HIPK3: variants seen among roughly 807,000 people sequenced by gnomAD.
HIPK3 encodes the protein homeodomain interacting protein kinase 3, also known as homeodomain-interacting protein kinase 3.
In HIPK3, 47 loss-of-function variants were observed where a neutral mutation model predicts 124.2. That is an observed-to-expected ratio of 0.38 (90% CI 0.30 to 0.48). HIPK3 has a LOEUF of 0.48. Ranked by LOEUF, HIPK3 falls within the 20% of genes least tolerant of loss-of-function variation. The pLI is 0.98. For missense variants in HIPK3, 1,286 were observed against 1,454.3 expected, an observed-to-expected ratio of 0.88 and a Z score of 1.88; for synonymous variants, 482 against 515.2, an observed-to-expected ratio of 0.94 and a Z score of 0.87.
chr11:33,352,346 A>G lies in HIPK3; in HGVS notation c.3171+81A>G, dbSNP rs968744280. On this transcript the variant is annotated intron_variant, in intron 16 of 16. Coordinates refer to ENST00000303296, the MANE Select transcript of HIPK3 (RefSeq NM_005734.5). Reference sequence around the variant, plus strand: ...TTTCACGTGGAGGAGAAAGCTTCTGAAACTGTATGTAGTGTTAATGAATTT... The same window carrying G: ...TTTCACGTGGAGGAGAAAGCTTCTGGAACTGTATGTAGTGTTAATGAATTT... The G allele has an allele frequency of 6.9e-6, 10 of 1,449,280 alleles. No individual in the cohort carries two copies. In the African/African-American group the frequency reaches 1.1e-4, roughly 16 times the overall value. 89.8% of individuals were successfully genotyped at this position (1,449,280 alleles called of 1,614,324 possible).
chr11:33,258,284 C>T (rs910555662), intron 1 of HIPK3: 4 of 984,942 alleles, frequency 4.1e-6, no homozygotes, highest in Non-Finnish European at 4.8e-6. Context: ...GGGAGCCTCT[C>T]TTCCCCCTCC....
At chr11:33,267,520 G>A (rs541797942) in intron 1 of HIPK3, among the ~76,000 whole-genome samples, 3 of 151,294 alleles carry the variant, frequency 2.0e-5, no homozygotes, top group African/African-American at 7.3e-5. Flanking sequence ...TTTTGAGACG[G>A]AGTCTCGCTC....
At chr11:33,350,711 GAAAT>G (rs368733495) in intron 14 of HIPK3, among the ~76,000 whole-genome samples, 14 of 151,854 alleles carry the variant, frequency 9.2e-5, no homozygotes, top group African/African-American at 3.1e-4. Context: ...AGGAAAGAAA[GAAAT>G]AAAGTCTTAT....
At chr11:33,283,950 C>G (rs1013370534) in intron 1 of HIPK3, among the ~76,000 whole-genome samples, 3 of 152,174 alleles carry the variant, frequency 2.0e-5, no homozygotes, top group South Asian at 4.1e-4. Context: ...GCTGGGAATA[C>G]AGGCATGAGC....
intron 1 of HIPK3, among the ~76,000 whole-genome samples, chr11:33,269,438 G>A (rs968968973): frequency 6.6e-6 from 1 of 151,660 alleles, no homozygotes; most frequent in African/African-American, 2.4e-5. Context: ...TTCAACATCT[G>A]GAGCTTGTCC....
At chr11:33,305,347 A>G (rs1170659758) in intron 2 of HIPK3, among the ~76,000 whole-genome samples, 1 of 152,092 alleles carries the variant, frequency 6.6e-6, no homozygotes, top group Non-Finnish European at 1.5e-5. Context: ...CCTTGAAATA[A>G]GTTTTAGGTC....
intron 1 of HIPK3, among the ~76,000 whole-genome samples, chr11:33,278,099 G>GT (rs1851318476): frequency 6.6e-6 from 1 of 152,086 alleles, no homozygotes; most frequent in African/African-American, 2.4e-5. Context: ...AAGAGTGTGT[G>GT]TTTTTTACAT....
At chr11:33,337,583 T>C (rs1027796241) in intron 4 of HIPK3, among the ~76,000 whole-genome samples, 2 of 151,946 alleles carry the variant, frequency 1.3e-5, no homozygotes, top group African/African-American at 2.4e-5. Context: ...CTTGAACTCC[T>C]GACCTCAAGA....
intron 15 of HIPK3, 128 bp from the exon 16 acceptor site, chr11:33,352,010 C>CCTCT: frequency 1.9e-6 from 2 of 1,064,148 alleles, no homozygotes; most frequent in Non-Finnish European, 2.7e-6. Flanking sequence ...GAAACCATGA[C>CCTCT]CTCTCCTTTG....
At chr11:33,273,243 G>A (rs376123883) in intron 1 of HIPK3, among the ~76,000 whole-genome samples, 1 of 152,028 alleles carries the variant, frequency 6.6e-6, no homozygotes, top group East Asian at 1.9e-4. Flanking sequence ...GGTGGCTTAC[G>A]CCTGTAATCC....
chr11:33,262,346 G>C (rs1400322935), intron 1 of HIPK3, among the ~76,000 whole-genome samples: 2 of 152,196 alleles, frequency 1.3e-5, no homozygotes, highest in Non-Finnish European at 2.9e-5. Context: ...AGATAGAATA[G>C]ATATTTGGAG....
At position 33,307,754 on chromosome 11, in the gene HIPK3, TG is replaced by T. The variant is rs879759939; in HGVS notation, c.1097+20245del. On this transcript the variant is annotated intron_variant, in intron 2 of 16. Coordinates refer to ENST00000303296, the MANE Select transcript of HIPK3 (RefSeq NM_005734.5). ...ATGTGCTTGGTTGTTTTATTCTTGTTGGTGTGTGTGTGTGTGTGTGTGTGTG... is the reference window on the plus strand; with the variant it reads ...ATGTGCTTGGTTGTTTTATTCTTGTTGTGTGTGTGTGTGTGTGTGTGTGTG... 1.0e-3 allele frequency among the ~76,000 whole-genome samples: 153 copies of T among 148,246 alleles called. 2 individuals carry two copies. In the East Asian group the frequency reaches 0.029, roughly 28 times the overall value.
intron 7 of HIPK3, 71 bp from the exon 8 acceptor site, chr11:33,341,492 T>C: frequency 7.4e-7 from 1 of 1,346,202 alleles, no homozygotes; most frequent in Non-Finnish European, 9.9e-7. Context: ...AGAAATGTGT[T>C]TGAATTCTAT....
chr11:33,336,906 T>C (rs1443560425), intron 3 of HIPK3, among the ~76,000 whole-genome samples, 169 bp from the exon 4 acceptor site: 2 of 152,222 alleles, frequency 1.3e-5, no homozygotes, highest in Admixed American at 6.5e-5. Context: ...ATGATACTTA[T>C]AATTCCACAT....
At chr11:33,330,324 T>C (rs1167404333) in intron 3 of HIPK3, among the ~76,000 whole-genome samples, 1 of 151,990 alleles carries the variant, frequency 6.6e-6, no homozygotes, top group Non-Finnish European at 1.5e-5. Context: ...TTTTTGTCTT[T>C]GTTTGTTTTT....
At chr11:33,311,054 A>G (rs947679561) in intron 2 of HIPK3, among the ~76,000 whole-genome samples, 6 of 152,178 alleles carry the variant, frequency 3.9e-5, no homozygotes, top group Non-Finnish European at 7.3e-5. Flanking sequence ...TCTATGCCTT[A>G]CTTTGAATTG....
chr11:33,308,547 C>G (rs1424790512), intron 2 of HIPK3, among the ~76,000 whole-genome samples: 1 of 151,928 alleles, frequency 6.6e-6, no homozygotes, highest in African/African-American at 2.4e-5. Context: ...TTTCCCCCCT[C>G]TGGCTGCATT....
In HIPK3 at chr11:33,326,326, GCCAAGATTGAGAACCACTGC is replaced by G. The variant is rs1852810142; in HGVS notation, c.1098-2182_1098-2163del. On this transcript the variant is annotated intron_variant, in intron 2 of 16. Transcript: ENST00000303296. The stretch of plus-strand genomic sequence containing the variant: ...CAGGACCAAATAATTGTAATGTGTA[GCCAAGATTGAGAACCACTGC>G]CTTAGGAGATGACAACCCCCAGTCT... Among the ~76,000 whole-genome samples the G allele has an allele frequency of 2.0e-5, 3 of 152,268 alleles. No individual in the cohort carries two copies. In the East Asian group the frequency reaches 5.8e-4, roughly 29 times the overall value.
upstream of HIPK3, chr11:33,256,708 T>C (rs555267065): frequency 1.1e-4 from 112 of 984,534 alleles, no homozygotes; most frequent in African/African-American, 1.9e-3. Context: ...AACTAGTCTT[T>C]GGGAGTTAAA....
Sources: gnomAD v4.1 joint callset for allele counts (sites outside exome capture counted in the v4.1 genomes callset) on GRCh38, gnomAD v4.1.1 for gene constraint, MANE v1.5 for transcripts, NCBI Gene and HGNC (gene_info 2026-07-23, HGNC 2026-07-21) for gene names.